The following TMEM184B variants were observed in gnomAD, a reference collection of about 807,000 sequenced individuals.
TMEM184B encodes the protein transmembrane protein 184B, also known as putative MAPK-activating protein FM08.
TMEM184B carries 17 observed loss-of-function variants against 41.8 expected under a neutral mutation model. That is an observed-to-expected ratio of 0.41 (90% CI 0.28 to 0.61). The LOEUF (loss-of-function observed/expected upper bound fraction) is 0.61. Ranked by LOEUF, TMEM184B falls within the 20% of genes least tolerant of loss-of-function variation. The probability of loss-of-function intolerance (pLI) is 0.34; values close to 1 mark genes in which losing one functional copy is unlikely to be tolerated. For synonymous variants in TMEM184B, 240 were observed against 229.5 expected (o/e 1.05, Z -0.41); for missense variants, 393 against 557.8 (o/e 0.70, Z 2.98).
At chr22:38,219,138 C>T (rs1228646258), downstream of TMEM184B, among the ~76,000 whole-genome samples, 2 of 152,160 alleles carry the variant, frequency 1.3e-5, no homozygotes, top group Non-Finnish European at 2.9e-5. Flanking sequence ...TGGGCCTTGA[C>T]CTTGGTCCCT....
rs535055251 is a variant in TMEM184B at position 38,254,158 on chromosome 22, G to T, written c.-58-6139C>A. On this transcript the variant is annotated intron_variant, in intron 1 of 8. Transcript: ENST00000361906. Reference sequence around the variant, plus strand: ...AGAGGTTGCAGTGAGCCAAGATCGTGCCATTGCACTCCCGCCCTTAGGGGA... The same window carrying T: ...AGAGGTTGCAGTGAGCCAAGATCGTTCCATTGCACTCCCGCCCTTAGGGGA... 2.1e-3 allele frequency among the ~76,000 whole-genome samples: 293 copies of T among 140,816 alleles called. 3 individuals are homozygous for T. The highest frequency in any genetic ancestry group is 7.0e-3 in the African/African-American group (268 of 38,428). 92.4% of individuals were successfully genotyped at this position (140,816 alleles called of 152,430 possible). A position where few individuals can be genotyped will look rare whatever the true frequency, so the allele number is the denominator to read the frequency against.
downstream of TMEM184B, among the ~76,000 whole-genome samples, chr22:38,218,258 G>A (rs898051922): frequency 6.6e-6 from 1 of 152,156 alleles, no homozygotes; most frequent in African/African-American, 2.4e-5. Flanking sequence ...GCCCTTCTGG[G>A]GCACCCTGAA....
At chr22:38,258,059 C>G (rs891928408) in intron 1 of TMEM184B, among the ~76,000 whole-genome samples, 2 of 152,296 alleles carry the variant, frequency 1.3e-5, no homozygotes, top group Admixed American at 1.3e-4. Flanking sequence ...GTCTCCACAC[C>G]TGTCTCTCAT....
At position 38,225,273 on chromosome 22, in the gene TMEM184B, G is replaced by A. The variant is rs1490146482; in HGVS notation, c.787+151C>T. ...CTAGCCCCTGGGAAAGGCCCTCGAG[G>A]GCTCAGATTTCACCCCCAGCAAGTG... On this transcript the variant is annotated intron_variant, in intron 7 of 8. Coordinates refer to ENST00000361906, the MANE Select transcript of TMEM184B (RefSeq NM_012264.5). The surrounding 1 kb of genome is among the most constrained non-coding windows in gnomAD (Gnocchi z 4.4). 2 of 1,063,634 alleles carry A rather than the reference G, an allele frequency of 1.9e-6. No homozygotes were observed. The highest frequency in any genetic ancestry group is 2.6e-5 in the East Asian group (1 of 38,036). The allele number at this position is 1,063,634 out of a possible 1,614,324, so 65.9% of individuals were successfully genotyped here.
downstream of TMEM184B, among the ~76,000 whole-genome samples, chr22:38,217,968 CAAAAG>C (rs2146031634): frequency 6.6e-6 from 1 of 152,218 alleles, no homozygotes; most frequent in African/African-American, 2.4e-5. Context: ...GACCCTGTCT[CAAAAG>C]AAGAAGAAAT....
chr22:38,251,538 G>A lies in TMEM184B; in HGVS notation c.-58-3519C>T, dbSNP rs1043143884. Among the ~76,000 whole-genome samples the A allele has an allele frequency of 5.1e-4, 77 of 152,216 alleles. 1 individual carries two copies. Among genetic ancestry groups the A allele is most frequent in the Admixed American group, 5.0e-3 (77 of 15,280 alleles). ...GCTCCCTGGACCCAAGGCAGCAGAC[G>A]GAGGCTGTCAAACGTACTCCCAAGT... On this transcript the variant is annotated intron_variant, in intron 1 of 8. Coordinates refer to ENST00000361906, the MANE Select transcript of TMEM184B (RefSeq NM_012264.5).
rs568288098 is a variant in TMEM184B, at chr22:38,237,912, C to T, written c.359-6578G>A. Among the ~76,000 whole-genome samples, 20 of 152,120 alleles carry T rather than the reference C, an allele frequency of 1.3e-4. 1 individual carries two copies. In the South Asian group the frequency reaches 3.7e-3, roughly 28 times the overall value. On this transcript the variant is annotated intron_variant, in intron 3 of 8. Coordinates refer to ENST00000361906, the MANE Select transcript of TMEM184B (RefSeq NM_012264.5). ...TGCCTCCTGGGTTCAAGCAATTCTC[C>T]TGCCTCAGCCTCCCGAGTGGCTGGA...
At position 38,226,651 on chromosome 22, in the gene TMEM184B, G is replaced by T. The variant is rs1481042050; in HGVS notation, c.617+128C>A. ...ACTGCTGGGCTCAGACTTCAGGGGG[G>T]TTGTGAGCACCAGACACCCAGGAAG... is the stretch of plus-strand genomic sequence containing the variant. On this transcript the variant is annotated intron_variant, in intron 6 of 8. Transcript: ENST00000361906. The surrounding 1 kb of genome is among the most constrained non-coding windows in gnomAD (Gnocchi z 4.6). 5 of 921,740 alleles carry T rather than the reference G, an allele frequency of 5.4e-6. No homozygotes were observed. Among genetic ancestry groups the T allele is most frequent in the South Asian group, 3.2e-5 (2 of 62,930 alleles). 57.1% of individuals were successfully genotyped at this position (921,740 alleles called of 1,614,324 possible). A position where few individuals can be genotyped will look rare whatever the true frequency, so the allele number is the denominator to read the frequency against.
At position 38,226,451 on chromosome 22, in the gene TMEM184B, G is replaced by A; in HGVS notation, c.617+328C>T. The A allele has an allele frequency of 3.4e-6, 1 of 298,158 alleles. No homozygotes were observed. 18.5% of individuals were successfully genotyped at this position (298,158 alleles called of 1,614,324 possible). On this transcript the variant is annotated intron_variant, in intron 6 of 8. Coordinates refer to ENST00000361906, the MANE Select transcript of TMEM184B (RefSeq NM_012264.5). The surrounding 1 kb of genome is among the most constrained non-coding windows in gnomAD (Gnocchi z 4.6). ...TTTACACAGCACGGGCTTTGTATCT[G>A]TGGACTTGAGCCGACCTCTTGGGGC... is the stretch of plus-strand genomic sequence containing the variant.
At chr22:38,250,211 G>A (rs1294294702) in intron 1 of TMEM184B, among the ~76,000 whole-genome samples, 1 of 152,240 alleles carries the variant, frequency 6.6e-6, no homozygotes, top group Non-Finnish European at 1.5e-5. Flanking sequence ...CGATGCAGAG[G>A]ATCCTGCGCC....
At chr22:38,256,822 A>AC (rs1287479622) in intron 1 of TMEM184B, among the ~76,000 whole-genome samples, 3 of 152,124 alleles carry the variant, frequency 2.0e-5, no homozygotes, top group Non-Finnish European at 4.4e-5. Context: ...CTTGATAAAG[A>AC]CTTTTTAAAC....
intron 8 of TMEM184B, chr22:38,222,957 T>C (rs1196746962): frequency 6.6e-6 from 1 of 152,612 alleles, no homozygotes. Flanking sequence ...CCTCCACGTC[T>C]AGGTCAGGAC....
chr22:38,261,350 C>T (rs896960064), intron 1 of TMEM184B, among the ~76,000 whole-genome samples: 1 of 152,156 alleles, frequency 6.6e-6, no homozygotes, highest in East Asian at 1.9e-4. Context: ...AGCTCTCCTT[C>T]CGTCTCCCCT....
Position 38,239,628 on chromosome 22 carries a change from A to G in TMEM184B, c.358+6307T>C, listed in dbSNP as rs546391004. On this transcript the variant is annotated intron_variant, in intron 3 of 8. Coordinates refer to ENST00000361906, the MANE Select transcript of TMEM184B (RefSeq NM_012264.5). This position sits in a 1 kb window ranked among gnomAD's most constrained non-coding sequence, Gnocchi z 4.6. The stretch of plus-strand genomic sequence containing the variant: ...AAAAGTCTCCACGTGGAGCCACTGC[A>G]TTACAAGTTTCAACAGAGGCTGAGA... 1 of 152,332 alleles carries G rather than the reference A, an allele frequency of 6.6e-6. No individual in the cohort carries two copies. Among genetic ancestry groups the G allele is most frequent in the South Asian group, 2.1e-4 (1 of 4,830 alleles). The allele number at this position is 152,332 out of a possible 1,614,324, so 9.4% of individuals were successfully genotyped here.
At chr22:38,262,174 T>G (rs2086537844) in intron 1 of TMEM184B, among the ~76,000 whole-genome samples, 1 of 152,238 alleles carries the variant, frequency 6.6e-6, no homozygotes, top group Admixed American at 6.5e-5. Flanking sequence ...CTGTACACTC[T>G]GTGTGTGGGA....
At chr22:38,265,999 G>A (rs2092438781) in intron 1 of TMEM184B, among the ~76,000 whole-genome samples, 1 of 152,210 alleles carries the variant, frequency 6.6e-6, no homozygotes, top group South Asian at 2.1e-4. Flanking sequence ...GTTGGAGCAG[G>A]AGATAAATAA....
chr22:38,246,203 C>A (rs2092026708), intron 2 of TMEM184B, 103 bp from the exon 3 acceptor site: 2 of 1,390,358 alleles, frequency 1.4e-6, no homozygotes, highest in East Asian at 2.4e-5. Context: ...TGACCCGATG[C>A]ACGTGACCTA....
intron 5 of TMEM184B, among the ~76,000 whole-genome samples, chr22:38,228,520 G>C (rs1185765685): frequency 6.6e-6 from 1 of 152,184 alleles, no homozygotes; most frequent in Non-Finnish European, 1.5e-5. Flanking sequence ...AGAACCCCCA[G>C]GGAGCTTTAG....
At chr22:38,227,707 G>A (rs1419270611) in intron 5 of TMEM184B, among the ~76,000 whole-genome samples, 1 of 152,122 alleles carries the variant, frequency 6.6e-6, no homozygotes, top group Non-Finnish European at 1.5e-5. Flanking sequence ...CTGATGAAAA[G>A]GATGTAGTCA....
Sources: gnomAD v4.1 joint callset for allele counts (sites outside exome capture counted in the v4.1 genomes callset) on GRCh38, gnomAD v4.1.1 for gene constraint, Gnocchi (gnomAD v3.1) non-coding constraint, MANE v1.5 for transcripts, NCBI Gene and HGNC (gene_info 2026-07-23, HGNC 2026-07-21) for gene names.